DCDC2C: variants seen among roughly 807,000 people sequenced by gnomAD.
DCDC2C encodes the protein doublecortin domain-containing protein 2C.
In DCDC2C, 44 loss-of-function variants were observed where a neutral mutation model predicts 45.0. That is an observed-to-expected ratio of 0.98 (90% CI 0.77 to 1.26). The LOEUF (loss-of-function observed/expected upper bound fraction) is 1.26. DCDC2C is among the 50% of genes most tolerant of loss of function. The probability of loss-of-function intolerance (pLI) is 0.00; values close to 1 mark genes in which losing one functional copy is unlikely to be tolerated. For missense variants in DCDC2C, 447 were observed against 468.9 expected (o/e 0.95, Z 0.43); for synonymous variants, 187 against 178.8 (o/e 1.05, Z -0.37).
chr2:3,837,602 T>G (rs1316748598), intron 10 of DCDC2C, among the ~76,000 whole-genome samples: 1 of 150,842 alleles, frequency 6.6e-6, no homozygotes, highest in Non-Finnish European at 1.5e-5. Flanking sequence ...TGTTCTCATC[T>G]AAAGGGGAAG....
intron 2 of DCDC2C, among the ~76,000 whole-genome samples, chr2:3,720,123 C>T (rs1466024132): frequency 6.6e-6 from 1 of 152,192 alleles, no homozygotes; most frequent in African/African-American, 2.4e-5. Context: ...TGCACTTGTC[C>T]CCTCTGGGGA....
At chr2:3,776,694 T>C (rs1162445259) in intron 8 of DCDC2C, among the ~76,000 whole-genome samples, 1 of 152,228 alleles carries the variant, frequency 6.6e-6, no homozygotes, top group African/African-American at 2.4e-5. Context: ...CTCTATGTGA[T>C]ATAAAATTCT....
At chr2:3,816,310 A>AG (rs56940358) in intron 10 of DCDC2C, among the ~76,000 whole-genome samples, 152,270 of 152,282 alleles carry the variant, frequency 1, 76,129 homozygotes, top group Middle Eastern at 1. Flanking sequence ...AGAGTGCCCA[A>AG]GGGGTTTAGC....
intron 2 of DCDC2C, among the ~76,000 whole-genome samples, chr2:3,719,733 C>G (rs1668441785): frequency 6.6e-6 from 1 of 152,172 alleles, no homozygotes; most frequent in Admixed American, 6.5e-5. Flanking sequence ...AAACCAGCCT[C>G]CGACATCACC....
intron 10 of DCDC2C, among the ~76,000 whole-genome samples, chr2:3,803,114 C>A (rs1671151950): frequency 6.6e-6 from 1 of 152,184 alleles, no homozygotes; most frequent in Non-Finnish European, 1.5e-5. Flanking sequence ...AATAATTTTA[C>A]TTTCTCCCTA....
chr2:3,739,430 T>C (rs57830670), intron 3 of DCDC2C, among the ~76,000 whole-genome samples: 8,143 of 152,150 alleles, frequency 0.054, 707 homozygotes, highest in African/African-American at 0.18. Context: ...TATAAAAGCT[T>C]GAGACCCTGG....
At chr2:3,821,514 AT>A (rs1307683323) in intron 10 of DCDC2C, among the ~76,000 whole-genome samples, 1 of 152,184 alleles carries the variant, frequency 6.6e-6, no homozygotes. Context: ...ATTAATATAC[AT>A]TTTTTATAGA....
intron 10 of DCDC2C, among the ~76,000 whole-genome samples, chr2:3,810,621 T>C (rs1671370725): frequency 6.6e-6 from 1 of 152,224 alleles, no homozygotes. Flanking sequence ...TTTGTTTCAA[T>C]TGCTTTTGGT....
intron 4 of DCDC2C, among the ~76,000 whole-genome samples, chr2:3,750,565 C>T (rs1669514906): frequency 6.6e-6 from 1 of 152,122 alleles, no homozygotes; most frequent in Admixed American, 6.5e-5. Context: ...ATATCACCGT[C>T]TTTCCTGTCT....
intron 2 of DCDC2C, among the ~76,000 whole-genome samples, chr2:3,721,332 A>T (rs928707402): frequency 1.3e-5 from 2 of 152,078 alleles, no homozygotes; most frequent in East Asian, 3.9e-4. Flanking sequence ...TGTTCAGCAG[A>T]GCCTTTTCTG....
At chr2:3,765,375 G>T (rs1282757744) in intron 6 of DCDC2C, among the ~76,000 whole-genome samples, 3 of 152,224 alleles carry the variant, frequency 2.0e-5, no homozygotes, top group Non-Finnish European at 4.4e-5. Flanking sequence ...GACCGTTGAG[G>T]TGAGGCTTGA....
chr2:3,757,607 C>T (rs115262388), intron 6 of DCDC2C, among the ~76,000 whole-genome samples: 4,441 of 152,226 alleles, frequency 0.029, 90 homozygotes, highest in East Asian at 0.048. Context: ...TCCATGAGGC[C>T]GTGGTGAGGT....
chr2:3,742,712 G>T (rs1669252166), intron 4 of DCDC2C, among the ~76,000 whole-genome samples: 1 of 152,218 alleles, frequency 6.6e-6, no homozygotes, highest in South Asian at 2.1e-4. Flanking sequence ...CGTGAAATGG[G>T]TTTGTGATTA....
At chr2:3,839,960 T>A (rs1304213994) in intron 10 of DCDC2C, among the ~76,000 whole-genome samples, 1 of 152,250 alleles carries the variant, frequency 6.6e-6, no homozygotes, top group Admixed American at 6.5e-5. Flanking sequence ...CCTGCTAAGT[T>A]GCTGAATTGG....
At chr2:3,742,691 T>C (rs1404005558) in intron 4 of DCDC2C, among the ~76,000 whole-genome samples, 3 of 152,208 alleles carry the variant, frequency 2.0e-5, no homozygotes, top group African/African-American at 7.2e-5. Flanking sequence ...AAACACTTGA[T>C]GCATAGTAGG....
chr2:3,782,601 CCCGAGT>C (rs72216126), intron 9 of DCDC2C, among the ~76,000 whole-genome samples: 15,201 of 151,944 alleles, frequency 0.1, 1,012 homozygotes, highest in East Asian at 0.29. Context: ...GCCTCAGCCT[CCCGAGT>C]AGCTGGGACT....
At chr2:3,762,976 A>G (rs1368418376) in intron 6 of DCDC2C, among the ~76,000 whole-genome samples, 1 of 151,972 alleles carries the variant, frequency 6.6e-6, no homozygotes, top group Non-Finnish European at 1.5e-5. Context: ...GAAGGGCTGA[A>G]TGTTGGGGGA....
intron 10 of DCDC2C, among the ~76,000 whole-genome samples, chr2:3,824,417 A>G (rs896845440): frequency 2.0e-5 from 3 of 152,326 alleles, no homozygotes; most frequent in Non-Finnish European, 2.9e-5. Flanking sequence ...CCAATAAACC[A>G]TTACGTATGA....
chr2:3,735,547 G>A (rs973686285), intron 3 of DCDC2C, among the ~76,000 whole-genome samples: 5 of 152,084 alleles, frequency 3.3e-5, no homozygotes, highest in African/African-American at 9.7e-5. Context: ...TTACAGTTGA[G>A]TTTCCTGGGA....
Sources: gnomAD v4.1 joint callset for allele counts (sites outside exome capture counted in the v4.1 genomes callset) on GRCh38, gnomAD v4.1.1 for gene constraint, MANE v1.5 for transcripts, NCBI Gene and HGNC (gene_info 2026-07-23, HGNC 2026-07-21) for gene names.